The following ANK3 variants were observed in gnomAD, a reference collection of about 807,000 sequenced individuals.
The protein encoded by ANK3 is ankyrin-3.
ANK3 carries 57 observed loss-of-function variants against 370.9 expected under a neutral mutation model. The observed-to-expected ratio is 0.15, with a 90% CI of 0.12 to 0.19. ANK3 has a LOEUF of 0.19. Among genes scored for constraint, ANK3 ranks in the 10% least tolerant of loss-of-function variants. ANK3 has a pLI of 1.00. For synonymous variants in ANK3, 1,929 were observed against 1,946.3 expected (o/e 0.99, Z 0.23); for missense variants, 4,439 against 5,302.1 (o/e 0.84, Z 5.06).
chr10:60,693,381 A>G (rs1359516592), intron 1 of ANK3, among the ~76,000 whole-genome samples: 1 of 152,236 alleles, frequency 6.6e-6, no homozygotes, highest in Non-Finnish European at 1.5e-5. Context: ...GGAAGCTCGA[A>G]CTGGGTGGAG....
At position 60,071,837 on chromosome 10, in the gene ANK3, T is replaced by G; in HGVS notation, c.9044A>C (p.Glu3015Ala). ...ETQHFNSIED[E>A]KVTYSEISKV... is the part of the protein sequence containing the mutation. ...GCTGATTTCTGAATAGGTAACTTTT[T>G]CATCTTCTATAGAATTAAAGTGCTG... Residue 3015 changes from glutamate (E) to alanine (A), a missense_variant, in exon 37 of 44, where the codon GAA becomes GCA. Glu to Ala is a moderately radical substitution (Grantham distance 107, BLOSUM62 -1). This residue lies in a region of ANK3 where 1,601 missense variants were observed against 1,731.7 expected (regional missense o/e 0.92). Coordinates refer to ENST00000280772, the MANE Select transcript of ANK3 (RefSeq NM_020987.5). The G allele has an allele frequency of 6.2e-7, 1 of 1,613,140 alleles. No individual in the cohort carries two copies. The highest frequency in any genetic ancestry group is 8.5e-7 in the Non-Finnish European group (1 of 1,179,530).
rs754555183 is a variant in ANK3 at position 60,086,839 on chromosome 10, T to C, written c.3586A>G (p.Lys1196Glu). 6.2e-7 allele frequency: 1 copy of C among 1,614,044 alleles called. No homozygotes were observed. Among genetic ancestry groups the C allele is most frequent in the South Asian group, 1.1e-5 (1 of 91,082 alleles). The change falls in exon 30 of 44, where the codon AAA becomes GAA. Residue 1196 changes from lysine to glutamate, a missense_variant. This residue lies in a region of ANK3 where 702 missense variants were observed against 941.5 expected (regional missense o/e 0.75). Coordinates refer to ENST00000280772, the MANE Select transcript of ANK3 (RefSeq NM_020987.5). The stretch of plus-strand genomic sequence containing the variant: ...GTGACAATTGGGCTAAAAGTTGCTT[T>C]GTTTCCAAGGATCTTTTTCACAATT... Reference protein sequence around the residue: ...DEIVKKILGNKATFSPIVTVE... With the variant: ...DEIVKKILGNEATFSPIVTVE...
chr10:60,325,901 C>G (rs910307954), intron 1 of ANK3, among the ~76,000 whole-genome samples: 2 of 151,970 alleles, frequency 1.3e-5, no homozygotes, highest in African/African-American at 4.8e-5. Flanking sequence ...AATGATAGAC[C>G]GAATAAAGAA....
At chr10:60,376,227 TA>T (rs896151911) in intron 1 of ANK3, among the ~76,000 whole-genome samples, 3 of 152,166 alleles carry the variant, frequency 2.0e-5, no homozygotes, top group Non-Finnish European at 4.4e-5. Context: ...GGTAGCACTT[TA>T]AAAAACAGGC....
At chr10:60,132,306 C>T (rs896698642) in intron 25 of ANK3, among the ~76,000 whole-genome samples, 2 of 152,152 alleles carry the variant, frequency 1.3e-5, no homozygotes, top group Admixed American at 6.5e-5. Context: ...GTAGCTCCCA[C>T]AATTCTCACC....
chr10:60,131,800 C>T (rs908015116), intron 25 of ANK3, among the ~76,000 whole-genome samples: 4 of 152,076 alleles, frequency 2.6e-5, no homozygotes, highest in Non-Finnish European at 5.9e-5. Context: ...GTGGAGGTGA[C>T]AGTGATGATG....
At chr10:60,135,988 T>C (rs2094325306) in intron 24 of ANK3, among the ~76,000 whole-genome samples, 1 of 151,814 alleles carries the variant, frequency 6.6e-6, no homozygotes, top group Non-Finnish European at 1.5e-5. Flanking sequence ...AAGACCATTA[T>C]AAGCATAATT....
upstream of ANK3, among the ~76,000 whole-genome samples, chr10:60,390,495 C>T (rs2063001131): frequency 6.6e-6 from 1 of 152,056 alleles, no homozygotes; most frequent in Non-Finnish European, 1.5e-5. Flanking sequence ...ACTATTTTTG[C>T]CACCTGAGTT....
chr10:60,316,445 G>A (rs368651438), intron 1 of ANK3, among the ~76,000 whole-genome samples: 27 of 152,168 alleles, frequency 1.8e-4, no homozygotes, highest in African/African-American at 2.4e-4. Context: ...GCTTCTTTTC[G>A]TCTTCTGGAG....
intron 42 of ANK3, among the ~76,000 whole-genome samples, chr10:60,054,514 T>C (rs571644754): frequency 6.6e-6 from 1 of 152,070 alleles, no homozygotes; most frequent in East Asian, 1.9e-4. Context: ...GCAACTTACT[T>C]ACAGGGAAAA....
intron 1 of ANK3, among the ~76,000 whole-genome samples, chr10:60,644,481 A>G (rs190784299): frequency 7.0e-4 from 107 of 152,342 alleles, no homozygotes; most frequent in African/African-American, 2.5e-3. Flanking sequence ...CTACGTTTTA[A>G]ATTATTCTTT....
chr10:60,648,011 C>T (rs755700983), intron 1 of ANK3, among the ~76,000 whole-genome samples: 8 of 151,658 alleles, frequency 5.3e-5, no homozygotes, highest in Non-Finnish European at 8.8e-5. Context: ...CCATGCCTGG[C>T]TAATTTTTGT....
At chr10:60,421,143 C>G (rs772958242) in intron 2 of ANK3, among the ~76,000 whole-genome samples, 8 of 151,588 alleles carry the variant, frequency 5.3e-5, no homozygotes, top group Non-Finnish European at 1.0e-4. Context: ...GGCAAGTTCA[C>G]AGAGAGAGAG....
intron 2 of ANK3, among the ~76,000 whole-genome samples, chr10:60,551,033 C>T (rs2077077055): frequency 6.6e-6 from 1 of 152,142 alleles, no homozygotes; most frequent in African/African-American, 2.4e-5. Flanking sequence ...TATCCTATGT[C>T]TTCAATTGCA....
intron 2 of ANK3, among the ~76,000 whole-genome samples, chr10:60,429,393 A>G (rs528369651): frequency 6.8e-4 from 104 of 152,322 alleles, no homozygotes; most frequent in African/African-American, 2.3e-3. Flanking sequence ...AAAAAGGGGG[A>G]AAAGAGGGTA....
intron 2 of ANK3, among the ~76,000 whole-genome samples, chr10:60,469,001 A>G (rs2065080843): frequency 2.9e-4 from 13 of 44,650 alleles, no homozygotes; most frequent in African/African-American, 7.5e-4. Context: ...TAGTGTGTAT[A>G]TATATATATA....
intron 2 of ANK3, among the ~76,000 whole-genome samples, chr10:60,457,885 T>A (rs2064788169): frequency 6.6e-6 from 1 of 152,014 alleles, no homozygotes; most frequent in Admixed American, 6.6e-5. Context: ...GGTAGTGTAG[T>A]AGAGTAGAGA....
chr10:60,336,792 G>A (rs76812472), intron 1 of ANK3, among the ~76,000 whole-genome samples: 1 of 152,276 alleles, frequency 6.6e-6, no homozygotes, highest in East Asian at 1.9e-4. Flanking sequence ...AAGATTGAGA[G>A]CACCTTCACA....
Position 60,069,182 on chromosome 10 carries a change from G to T in ANK3, c.11699C>A (p.Ala3900Asp). The T allele has an allele frequency of 6.2e-7, 1 of 1,614,128 alleles. No homozygotes were observed. The highest frequency in any genetic ancestry group is 8.5e-7 in the Non-Finnish European group (1 of 1,180,012). Residue 3900 changes from alanine (A) to aspartate (D), a missense_variant, in exon 37 of 44, where the codon GCC becomes GAC. Physicochemically the swap from Ala to Asp is moderately radical, Grantham distance 126 (BLOSUM62 -2). Coordinates refer to ENST00000280772, the MANE Select transcript of ANK3 (RefSeq NM_020987.5). ...KQVSQSEKTK[A>D]LTTSSCVDVK... is the part of the protein sequence containing the mutation. ...ATCTACACATGAAGAAGTAGTAAGGGCTTTGGTTTTCTCGGATTGACTAAC... is the reference window on the plus strand; with the variant it reads ...ATCTACACATGAAGAAGTAGTAAGGTCTTTGGTTTTCTCGGATTGACTAAC...
Sources: allele counts gnomAD v4.1 joint callset (sites outside exome capture counted in the v4.1 genomes callset), GRCh38; gene constraint gnomAD v4.1.1; regional missense constraint gnomAD v4.1.1; transcripts MANE v1.5; gene names NCBI Gene and HGNC (gene_info 2026-07-23, HGNC 2026-07-21).